SLC35D2: variants seen among roughly 807,000 people sequenced by gnomAD.
The protein encoded by SLC35D2 is solute carrier family 35 member D2.
In SLC35D2, 43 loss-of-function variants were observed where a neutral mutation model predicts 41.8. The observed-to-expected ratio is 1.03, with a 90% CI of 0.81 to 1.33. SLC35D2 has a LOEUF of 1.33. Ranked by LOEUF, SLC35D2 falls within the 40% of genes most tolerant of loss-of-function variation. The probability of loss-of-function intolerance (pLI) is 0.00; values close to 1 mark genes in which losing one functional copy is unlikely to be tolerated. For synonymous variants in SLC35D2, 150 were observed against 163.9 expected (o/e 0.92, Z 0.65); for missense variants, 380 against 408.4 (o/e 0.93, Z 0.60).
intron 10 of SLC35D2, 77 bp downstream of exon 10, chr9:96,324,014 A>C: frequency 7.5e-7 from 1 of 1,331,512 alleles, no homozygotes; most frequent in African/African-American, 1.4e-5. Context: ...CAACAAAATC[A>C]AACCCGGCCT....
chr9:96,318,252 G>T (rs926061381), downstream of SLC35D2, among the ~76,000 whole-genome samples: 1 of 152,008 alleles, frequency 6.6e-6, no homozygotes, highest in Non-Finnish European at 1.5e-5. Context: ...TTGAACTTGG[G>T]AGTTCGAGAT....
chr9:96,331,482 A>T (rs1828806189), intron 9 of SLC35D2, among the ~76,000 whole-genome samples: 1 of 151,964 alleles, frequency 6.6e-6, no homozygotes, highest in Non-Finnish European at 1.5e-5. Context: ...TCACTTCCTG[A>T]CATACCCTCC....
chr9:96,352,332 T>A (rs926003563), intron 4 of SLC35D2, among the ~76,000 whole-genome samples: 3 of 152,088 alleles, frequency 2.0e-5, no homozygotes, highest in African/African-American at 7.2e-5. Flanking sequence ...ATTTATTTAT[T>A]TTTTTTGGAG....
intron 9 of SLC35D2, among the ~76,000 whole-genome samples, chr9:96,334,303 T>G (rs1190419473): frequency 6.6e-6 from 1 of 152,132 alleles, no homozygotes; most frequent in Non-Finnish European, 1.5e-5. Context: ...TATAGAAAAG[T>G]GTCTCAAATT....
In SLC35D2 at chr9:96,321,412, G is replaced by A. The variant is rs372804298; in HGVS notation, c.915-71C>T. ...AGGGGCTCCAGCAGCAGTTGCTGGC[G>A]TTTTTATCAATACACCTGCTTCATG... On this transcript the variant is annotated intron_variant, in intron 11 of 11. Coordinates refer to ENST00000253270, the MANE Select transcript of SLC35D2 (RefSeq NM_007001.3). The A allele has an allele frequency of 2.5e-4, 259 of 1,047,764 alleles. 1 individual carries two copies. The South Asian group carries it at 2.5e-3, about 10-fold the overall frequency. 64.9% of individuals were successfully genotyped at this position (1,047,764 alleles called of 1,614,324 possible).
rs746502491 is a variant in SLC35D2, at chr9:96,321,323, T to C, written c.933A>G (p.Arg311=). The part of the protein sequence containing the change: ...GLNICMAGGL[R]YSFLTLSSQL... ...GGCTGCTCAGTGTTAAAAAGGAATA[T>C]CTCAAGCCCCCTGCCATGCTGAAAG... The change falls in exon 12 of 12, where the codon AGA becomes AGG. Residue 311 remains arginine (R), a synonymous_variant. Transcript: ENST00000253270. 1.2e-6 allele frequency: 2 copies of C among 1,613,686 alleles called. No homozygotes were observed. Among genetic ancestry groups the C allele is most frequent in the South Asian group, 2.2e-5 (2 of 91,046 alleles).
Position 96,383,477 on chromosome 9 carries a change from C to G in SLC35D2, c.158G>C (p.Gly53Ala), listed in dbSNP as rs1831294813. ...LVNKALLTTY[G>A]FPSPIFLGIG... ...CCCCCGGCCCCGGGCCCCGCCTCAC[C>G]CGTAGGTGGTCAGCAGCGCCTTGTT... Residue 53 changes from glycine (G) to alanine (A), a missense_variant and splice_region_variant, in exon 1 of 12, where the codon GGT becomes GCT. Gly to Ala is a moderately conservative substitution (Grantham distance 60). Transcript: ENST00000253270. The G allele has an allele frequency of 6.5e-7, 1 of 1,535,698 alleles. No homozygotes were observed. Among genetic ancestry groups the G allele is most frequent in the African/African-American group, 1.4e-5 (1 of 70,532 alleles).
chr9:96,360,724 CCA>C (rs1355210150), intron 3 of SLC35D2, among the ~76,000 whole-genome samples: 1 of 151,420 alleles, frequency 6.6e-6, no homozygotes, highest in Non-Finnish European at 1.5e-5. Context: ...CACGACACAC[CCA>C]TCAGATTAGC....
At chr9:96,368,204 A>C in intron 2 of SLC35D2, 68 bp downstream of exon 2, 2 of 1,298,110 alleles carry the variant, frequency 1.5e-6, no homozygotes, top group Middle Eastern at 1.9e-4. Flanking sequence ...TTTAAACAAA[A>C]GGACTTAAAA....
At chr9:96,379,567 G>A (rs541413339) in intron 1 of SLC35D2, among the ~76,000 whole-genome samples, 8 of 152,274 alleles carry the variant, frequency 5.3e-5, no homozygotes, top group Admixed American at 2.0e-4. Flanking sequence ...ATGACCCTGC[G>A]AATTAGGTAA....
chr9:96,360,086 C>G (rs990369736), intron 4 of SLC35D2, 68 bp downstream of exon 4: 2 of 1,156,000 alleles, frequency 1.7e-6, no homozygotes, highest in South Asian at 1.3e-5. Context: ...AAAAATCAAT[C>G]TTGGTCTTTG....
chr9:96,374,443 A>G (rs901704901), intron 1 of SLC35D2, among the ~76,000 whole-genome samples: 11 of 151,606 alleles, frequency 7.3e-5, no homozygotes, highest in African/African-American at 1.2e-4. Context: ...CTGAGGCAGG[A>G]GAATCGCTTG....
chr9:96,379,306 C>CAA (rs35181002), intron 1 of SLC35D2, among the ~76,000 whole-genome samples: 1,666 of 122,384 alleles, frequency 0.014, 13 homozygotes, highest in Middle Eastern at 0.065. Context: ...GACCCTGTCT[C>CAA]AAAAAAAAAA....
rs1400752895 is a variant in SLC35D2 at position 96,321,213 on chromosome 9, A to G, written c.*29T>C. 1.3e-6 allele frequency: 2 copies of G among 1,548,228 alleles called. No homozygotes were observed. The highest frequency in any genetic ancestry group is 8.9e-7 in the Non-Finnish European group (1 of 1,122,420). On this transcript the variant is annotated 3_prime_UTR_variant, in exon 12 of 12. Coordinates refer to ENST00000253270, the MANE Select transcript of SLC35D2 (RefSeq NM_007001.3). Reference sequence around the variant, plus strand: ...AATGCCCCCCCAGCCCGCAGTCACAAGTCAGTCTCCAATCCTGCTGCAGAC... The same window carrying G: ...AATGCCCCCCCAGCCCGCAGTCACAGGTCAGTCTCCAATCCTGCTGCAGAC...
chr9:96,345,234 T>C (rs981653136), intron 7 of SLC35D2, 65 bp downstream of exon 7: 9 of 812,614 alleles, frequency 1.1e-5, no homozygotes, highest in African/African-American at 1.7e-5. Context: ...ACATTCATTT[T>C]CATTTTTCAT....
At chr9:96,331,029 C>G (rs1434969631) in intron 9 of SLC35D2, among the ~76,000 whole-genome samples, 1 of 152,174 alleles carries the variant, frequency 6.6e-6, no homozygotes, top group Non-Finnish European at 1.5e-5. Flanking sequence ...TCCCAAGTAC[C>G]TTGGATTACA....
At chr9:96,359,594 G>A (rs143809989) in intron 4 of SLC35D2, among the ~76,000 whole-genome samples, 3,983 of 152,070 alleles carry the variant, frequency 0.026, 77 homozygotes, top group Middle Eastern at 0.054. Flanking sequence ...GGAGGCTGAG[G>A]CAGGAGAATC....
chr9:96,341,203 C>G (rs1164081980), intron 8 of SLC35D2, among the ~76,000 whole-genome samples: 1 of 152,114 alleles, frequency 6.6e-6, no homozygotes, highest in African/African-American at 2.4e-5. Flanking sequence ...AGGAGAATTG[C>G]TTGAATGTGG....
chr9:96,378,539 A>C (rs913847345), intron 1 of SLC35D2, among the ~76,000 whole-genome samples: 17 of 152,212 alleles, frequency 1.1e-4, no homozygotes, highest in African/African-American at 2.4e-5. Flanking sequence ...GTAAAGTTAG[A>C]TATTTTTATT....
Sources: gnomAD v4.1 joint callset for allele counts (sites outside exome capture counted in the v4.1 genomes callset) on GRCh38, gnomAD v4.1.1 for gene constraint, MANE v1.5 for transcripts, NCBI Gene and HGNC (gene_info 2026-07-23, HGNC 2026-07-21) for gene names.